The following MYO16 variants were observed in gnomAD, a reference collection of about 807,000 sequenced individuals.
The protein encoded by MYO16 is unconventional myosin-XVI.
MYO16 carries 94 observed loss-of-function variants against 205.3 expected under a neutral mutation model. The ratio of observed to expected loss-of-function variants is 0.46; its 90% CI spans 0.39 to 0.54. The LOEUF is 0.54. MYO16 is among the 20% of genes least tolerant of loss of function. The probability of loss-of-function intolerance (pLI) is 0.00; values close to 1 mark genes in which losing one functional copy is unlikely to be tolerated. For missense variants in MYO16, 2,315 were observed against 2,387.5 expected (o/e 0.97, Z 0.63); for synonymous variants, 988 against 954.0 (o/e 1.04, Z -0.66).
At chr13:109,040,788 C>A (rs1436150181) in intron 23 of MYO16, among the ~76,000 whole-genome samples, 4 of 152,160 alleles carry the variant, frequency 2.6e-5, no homozygotes, top group Non-Finnish European at 5.9e-5. Context: ...GGATGTTTTA[C>A]TTCTGTGATC....
intron 34 of MYO16, among the ~76,000 whole-genome samples, chr13:109,195,236 C>T (rs1280016127): frequency 6.6e-6 from 1 of 152,072 alleles, no homozygotes; most frequent in Non-Finnish European, 1.5e-5. Flanking sequence ...TCCAATAAAA[C>T]TTTTAACGTG....
chr13:108,910,738 G>T (rs1045611722), intron 16 of MYO16, among the ~76,000 whole-genome samples: 2 of 152,122 alleles, frequency 1.3e-5, no homozygotes, highest in South Asian at 4.1e-4. Context: ...CACAGGGATG[G>T]GTCCAGATTT....
rs896438069 is a variant in MYO16 at position 109,125,881 on chromosome 13, G to A, written c.3782+523G>A. On this transcript the variant is annotated intron_variant, in intron 30 of 34. Coordinates refer to ENST00000457511, the MANE Select transcript of MYO16 (RefSeq NM_001198950.3). The surrounding 1 kb of genome is among the most constrained non-coding windows in gnomAD (Gnocchi z 4.0). ...ACCAATAAAGCAAGCTTTGGGGAAA[G>A]CTTTGTATTTAAAAGTTCACTTTAG... Among the ~76,000 whole-genome samples the A allele has an allele frequency of 6.6e-6, 1 of 152,154 alleles. No homozygotes were observed. The highest frequency in any genetic ancestry group is 1.5e-5 in the Non-Finnish European group (1 of 68,028).
Position 108,868,066 on chromosome 13 carries a change from A to G in MYO16, c.1425+1824A>G, listed in dbSNP as rs1878812251. 2.6e-5 allele frequency among the ~76,000 whole-genome samples: 4 copies of G among 152,180 alleles called. No individual in the cohort carries two copies. In the South Asian group the frequency reaches 8.3e-4, roughly 31 times the overall value. On this transcript the variant is annotated intron_variant, in intron 12 of 34. Transcript: ENST00000457511. ...TTTGTGGATATATGGCAGTTTAATT[A>G]ACTATTGACAGAGATTTTGTCTTTT...
At chr13:108,690,162 T>G (rs1222866294) in intron 2 of MYO16, among the ~76,000 whole-genome samples, 1 of 152,012 alleles carries the variant, frequency 6.6e-6, no homozygotes, top group Non-Finnish European at 1.5e-5. Context: ...AAAAATGCAC[T>G]TGTACAAGAT....
At chr13:109,082,777 G>A (rs1037327754) in intron 27 of MYO16, among the ~76,000 whole-genome samples, 10 of 151,900 alleles carry the variant, frequency 6.6e-5, no homozygotes, top group Non-Finnish European at 1.5e-4. Flanking sequence ...GGAGGTTGCA[G>A]TAACTCCATC....
chr13:108,683,091 T>C (rs1882531588), intron 2 of MYO16, among the ~76,000 whole-genome samples: 1 of 152,200 alleles, frequency 6.6e-6, no homozygotes, highest in Admixed American at 6.5e-5. Flanking sequence ...CTGAATTAAA[T>C]AGTATCTCCT....
At chr13:108,500,683 C>G in the MYO16 span, among the ~76,000 whole-genome samples, 3 of 152,234 alleles carry the variant, frequency 2.0e-5, no homozygotes, top group Non-Finnish European at 4.4e-5. Context: ...AGGACTGCCC[C>G]GGATCCAATC....
At chr13:108,802,162 C>G (rs888128044) in intron 6 of MYO16, among the ~76,000 whole-genome samples, 4 of 152,064 alleles carry the variant, frequency 2.6e-5, no homozygotes, top group Non-Finnish European at 5.9e-5. Context: ...AATAGTCATC[C>G]TGCTTTGCAA....
chr13:109,159,571 C>T (rs920765460), intron 32 of MYO16, among the ~76,000 whole-genome samples: 1 of 152,236 alleles, frequency 6.6e-6, no homozygotes, highest in Non-Finnish European at 1.5e-5. Flanking sequence ...ATACAACGCA[C>T]ATTGTATTTG....
intron 16 of MYO16, among the ~76,000 whole-genome samples, chr13:108,957,383 C>CA (rs33954239): frequency 0.16 from 15,465 of 96,790 alleles, 1,783 homozygotes; most frequent in South Asian, 0.22. Context: ...AACTCCATCT[C>CA]AAAAAAAAAA....
the MYO16 span, among the ~76,000 whole-genome samples, chr13:108,568,956 TTTCAAG>T: frequency 2.0e-5 from 3 of 152,140 alleles, no homozygotes; most frequent in African/African-American, 4.8e-5. Context: ...TTATATTTTT[TTTCAAG>T]TTTAATTGAC....
At chr13:108,541,465 A>G in the MYO16 span, among the ~76,000 whole-genome samples, 1 of 151,854 alleles carries the variant, frequency 6.6e-6, no homozygotes, top group East Asian at 1.9e-4. Context: ...ACTTTTTGAT[A>G]CACTATAATA....
At chr13:108,940,428 C>T (rs1882675949) in intron 16 of MYO16, among the ~76,000 whole-genome samples, 1 of 152,138 alleles carries the variant, frequency 6.6e-6, no homozygotes, top group East Asian at 1.9e-4. Flanking sequence ...TGATCAGAAA[C>T]TCTCTATGTG....
At chr13:108,992,575 T>G in intron 21 of MYO16, 127 bp downstream of exon 21, 1 of 567,372 alleles carries the variant, frequency 1.8e-6, no homozygotes, top group Non-Finnish European at 3.0e-6. Context: ...TCTAATGTTT[T>G]AAAATTAATA....
chr13:108,727,382 G>A lies in MYO16; in HGVS notation c.364-58G>A, dbSNP rs895088445. 4 of 1,546,810 alleles carry A rather than the reference G, an allele frequency of 2.6e-6. No homozygotes were observed. The Admixed American group carries it at 5.6e-5, about 22-fold the overall frequency. ...TTTTTTTTAAATCTGTGGACATTTGGAATAAGCCATATCACAGTTTGTAAT... is the reference window on the plus strand; with the variant it reads ...TTTTTTTTAAATCTGTGGACATTTGAAATAAGCCATATCACAGTTTGTAAT... On this transcript the variant is annotated intron_variant, in intron 3 of 34. Transcript: ENST00000457511.
chr13:109,045,486 C>T (rs1371325602), intron 23 of MYO16, among the ~76,000 whole-genome samples: 1 of 152,182 alleles, frequency 6.6e-6, no homozygotes, highest in Non-Finnish European at 1.5e-5. Flanking sequence ...CAAGTGCAAA[C>T]TGGATAATTA....
At position 109,050,388 on chromosome 13, in the gene MYO16, CCTT is replaced by C. The variant is rs1887207186; in HGVS notation, c.2873-1909_2873-1907del. On this transcript the variant is annotated intron_variant, in intron 24 of 34. Transcript: ENST00000457511. ...GGAGTCCCAAGAGGTAGTGGGGTAT[CCTT>C]CTCGGCACATCACATTCGGAGGCAG... 3.3e-5 allele frequency among the ~76,000 whole-genome samples: 5 copies of C among 152,122 alleles called. No individual in the cohort carries two copies. In the South Asian group the frequency reaches 1.0e-3, roughly 32 times the overall value.
intron 1 of MYO16, among the ~76,000 whole-genome samples, chr13:108,620,663 A>C (rs1879505606): frequency 6.6e-6 from 1 of 152,224 alleles, no homozygotes; most frequent in South Asian, 2.1e-4. Flanking sequence ...ATTTCAAGAC[A>C]GGAAGAGGAG....
Sources: gnomAD v4.1 joint callset for allele counts (sites outside exome capture counted in the v4.1 genomes callset) on GRCh38, gnomAD v4.1.1 for gene constraint, Gnocchi (gnomAD v3.1) non-coding constraint, MANE v1.5 for transcripts, NCBI Gene and HGNC (gene_info 2026-07-23, HGNC 2026-07-21) for gene names.